NTNG1: variants seen among roughly 807,000 people sequenced by gnomAD.
NTNG1 encodes netrin G1.
In NTNG1, 16 loss-of-function variants were observed where a neutral mutation model predicts 54.0. The observed-to-expected ratio is 0.30, with a 90% CI of 0.20 to 0.45. NTNG1 has a LOEUF of 0.45. Among genes scored for constraint, NTNG1 ranks in the 20% least tolerant of loss-of-function variants. NTNG1 has a pLI of 1.00. For missense variants in NTNG1, 530 were observed against 678.7 expected, an observed-to-expected ratio of 0.78 and a Z score of 2.43; for synonymous variants, 255 against 263.1, an observed-to-expected ratio of 0.97 and a Z score of 0.30.
chr1:107,445,282 GA>G (rs898073618), intron 7 of NTNG1, among the ~76,000 whole-genome samples: 4 of 152,230 alleles, frequency 2.6e-5, no homozygotes, highest in Non-Finnish European at 5.9e-5. Context: ...ATCAGCCTTT[GA>G]ATTTCCTTCT....
chr1:107,383,557 T>G (rs1333715575), intron 3 of NTNG1, among the ~76,000 whole-genome samples: 2 of 152,244 alleles, frequency 1.3e-5, no homozygotes, highest in African/African-American at 4.8e-5. Flanking sequence ...GAAAATAGCT[T>G]GAATACATCA....
intron 7 of NTNG1, among the ~76,000 whole-genome samples, chr1:107,477,421 T>C (rs1474061914): frequency 6.6e-6 from 1 of 152,202 alleles, no homozygotes; most frequent in Non-Finnish European, 1.5e-5. Flanking sequence ...CTTTCTCTGC[T>C]CCCTCTAGTG....
At chr1:107,389,226 C>G (rs575029423) in intron 3 of NTNG1, among the ~76,000 whole-genome samples, 1 of 152,212 alleles carries the variant, frequency 6.6e-6, no homozygotes, top group Non-Finnish European at 1.5e-5. Flanking sequence ...TCCTATGGCA[C>G]AAAAGTAACC....
chr1:107,245,471 C>T (rs1042959307), intron 2 of NTNG1, among the ~76,000 whole-genome samples: 5 of 152,190 alleles, frequency 3.3e-5, no homozygotes, highest in Non-Finnish European at 7.4e-5. Context: ...AATCTCTGCT[C>T]TTGCCACCAC....
chr1:107,427,848 A>T (rs1462214854), intron 5 of NTNG1, among the ~76,000 whole-genome samples: 2 of 152,170 alleles, frequency 1.3e-5, no homozygotes, highest in Admixed American at 6.6e-5. Flanking sequence ...CTAAATTAAT[A>T]AATTAGTTTT....
chr1:107,379,358 A>G (rs1229907707), intron 3 of NTNG1, among the ~76,000 whole-genome samples: 1 of 152,222 alleles, frequency 6.6e-6, no homozygotes, highest in Non-Finnish European at 1.5e-5. Flanking sequence ...CCTTCGTTTC[A>G]GATGCTATAT....
chr1:107,193,723 T>C lies in NTNG1; in HGVS notation c.246+44884T>C, dbSNP rs567512722. On this transcript the variant is annotated intron_variant, in intron 2 of 7. Coordinates refer to ENST00000370068, the MANE Select transcript of NTNG1 (RefSeq NM_001113226.3). ...GCCACCGTCTTAGTTCAAACCCTCA[T>C]AATTTCACCTGGAATATCTATTAAT... Among the ~76,000 whole-genome samples, 302 of 152,110 alleles carry C rather than the reference T, an allele frequency of 2.0e-3. 1 individual carries two copies. The highest frequency in any genetic ancestry group is 6.9e-3 in the African/African-American group (288 of 41,552).
At chr1:107,407,840 T>A (rs761934375) in intron 5 of NTNG1, 132 bp downstream of exon 5, 2 of 830,772 alleles carry the variant, frequency 2.4e-6, no homozygotes, top group South Asian at 2.7e-5. Flanking sequence ...GTGAATTGCA[T>A]TTTTGTGTTG....
intron 4 of NTNG1, 82 bp from the exon 5 acceptor site, chr1:107,407,600 C>G (rs1359146946): frequency 8.6e-7 from 1 of 1,168,990 alleles, no homozygotes; most frequent in African/African-American, 1.6e-5. Flanking sequence ...TGTCAAGTTT[C>G]TAAGATTTTT....
Position 107,238,162 on chromosome 1 carries a change from C to G in NTNG1, c.247-86120C>G, listed in dbSNP as rs114768686. The stretch of plus-strand genomic sequence containing the variant: ...GAACCCACCTCTTTCATCATCGTGA[C>G]CTGGATATGAGACATGAATCAAAGG... On this transcript the variant is annotated intron_variant, in intron 2 of 7. Coordinates refer to ENST00000370068, the MANE Select transcript of NTNG1 (RefSeq NM_001113226.3). Among the ~76,000 whole-genome samples the G allele has an allele frequency of 5.6e-3, 855 of 152,262 alleles. 8 individuals are homozygous for G. Among genetic ancestry groups the G allele is most frequent in the African/African-American group, 0.019 (810 of 41,570 alleles).
At chr1:107,406,772 A>C (rs1673452749) in intron 4 of NTNG1, among the ~76,000 whole-genome samples, 1 of 152,078 alleles carries the variant, frequency 6.6e-6, no homozygotes, top group South Asian at 2.1e-4. Flanking sequence ...AGTTTATATA[A>C]CTCTTGCAGC....
rs552069240 is a variant in NTNG1, at chr1:107,249,679, C to A, written c.247-74603C>A. Among the ~76,000 whole-genome samples, 301 of 152,232 alleles carry A rather than the reference C, an allele frequency of 2.0e-3. 1 individual carries two copies. The highest frequency in any genetic ancestry group is 3.0e-3 in the Non-Finnish European group (203 of 68,026). ...AATCTCTTTCTCTTAATAATCCACA[C>A]TGTATATTAGCATGTTAAGGACTTC... On this transcript the variant is annotated intron_variant, in intron 2 of 7. Transcript: ENST00000370068.
chr1:107,378,752 C>T (rs973092805), intron 3 of NTNG1, among the ~76,000 whole-genome samples: 1 of 152,140 alleles, frequency 6.6e-6, no homozygotes, highest in Admixed American at 6.5e-5. Flanking sequence ...ACTTAAATCC[C>T]TAGAGCCACC....
intron 2 of NTNG1, among the ~76,000 whole-genome samples, chr1:107,317,360 T>G (rs188463231): frequency 2.6e-3 from 395 of 152,302 alleles, no homozygotes; most frequent in African/African-American, 9.3e-3. Context: ...AAACCCTTAT[T>G]AGTGATTTTT....
intron 2 of NTNG1, among the ~76,000 whole-genome samples, chr1:107,242,842 T>C (rs1661937651): frequency 6.6e-6 from 1 of 152,128 alleles, no homozygotes; most frequent in African/African-American, 2.4e-5. Context: ...GATTTATAAT[T>C]TAAAGGGGAA....
At chr1:107,205,314 G>A (rs1425287620) in intron 2 of NTNG1, among the ~76,000 whole-genome samples, 2 of 152,032 alleles carry the variant, frequency 1.3e-5, no homozygotes, top group Admixed American at 1.3e-4. Context: ...CAAATTTCAG[G>A]GTGATGGTTT....
rs74365798 is a variant in NTNG1, at chr1:107,323,891, T to G, written c.247-391T>G. On this transcript the variant is annotated intron_variant, in intron 2 of 7. Transcript: ENST00000370068. ...CTTGAAAAATGACTTTTTAAAGAAG[T>G]GTACTCTTAAAGAATGTCCTTCAGG... Among the ~76,000 whole-genome samples the G allele has an allele frequency of 1.9e-4, 29 of 152,178 alleles. No individual in the cohort carries two copies. The East Asian group carries it at 5.6e-3, about 29-fold the overall frequency.
chr1:107,367,402 A>G (rs947692689), intron 3 of NTNG1, among the ~76,000 whole-genome samples: 3 of 152,174 alleles, frequency 2.0e-5, no homozygotes, highest in Admixed American at 6.5e-5. Context: ...TTCATGTCAA[A>G]TAAGTAGTAA....
intron 2 of NTNG1, among the ~76,000 whole-genome samples, chr1:107,302,867 T>A (rs1003815936): frequency 2.0e-5 from 3 of 152,220 alleles, no homozygotes; most frequent in African/African-American, 7.2e-5. Context: ...ATATTTCTTT[T>A]GCTACAATAG....
Sources: gnomAD v4.1 joint callset for allele counts (sites outside exome capture counted in the v4.1 genomes callset) on GRCh38, gnomAD v4.1.1 for gene constraint, MANE v1.5 for transcripts, NCBI Gene and HGNC (gene_info 2026-07-23, HGNC 2026-07-21) for gene names.